NBAS: variants seen among roughly 807,000 people sequenced by gnomAD.
NBAS encodes NAG/BC035112 fusion.
A neutral mutation model predicts 302.5 loss-of-function variants in NBAS; 219 were observed. The ratio of observed to expected loss-of-function variants is 0.72; its 90% CI spans 0.65 to 0.81. The LOEUF (loss-of-function observed/expected upper bound fraction) is 0.81. Among genes scored for constraint, NBAS ranks in the 30% least tolerant of loss-of-function variants. The pLI, the probability that NBAS is intolerant of heterozygous loss-of-function variation, is 0.00. For synonymous variants in NBAS, 1,118 were observed against 1,021.6 expected, an observed-to-expected ratio of 1.09 and a Z score of -1.80; for missense variants, 2,932 against 2,841.6, an observed-to-expected ratio of 1.03 and a Z score of -0.72.
intron 9 of NBAS, among the ~76,000 whole-genome samples, chr2:15,516,621 A>G (rs560299925): frequency 1.3e-5 from 2 of 151,926 alleles, no homozygotes; most frequent in South Asian, 4.2e-4. Context: ...TACTCAGGAT[A>G]CTGAGGCACC....
chr2:15,167,060 C>T lies in NBAS; in HGVS notation c.7104G>A (p.Gln2368=), dbSNP rs566782672. The T allele has an allele frequency of 2.1e-5, 33 of 1,582,212 alleles. No individual in the cohort carries two copies. In the South Asian group the frequency reaches 3.7e-4, roughly 18 times the overall value. The change falls in exon 52 of 52, where the codon CAG becomes CAA. Residue 2368 remains glutamine, a synonymous_variant. Coordinates refer to ENST00000281513, the MANE Select transcript of NBAS (RefSeq NM_015909.4). Reference sequence around the variant, plus strand: ...CCACAGGTGGCCCTCACACCCAGTGCTGTGCTGCGCGGAGGGCTGTACTGA... The same window carrying T: ...CCACAGGTGGCCCTCACACCCAGTGTTGTGCTGCGCGGAGGGCTGTACTGA... The part of the protein sequence containing the change: ...RTFSTALRAA[Q]HWV
chr2:15,179,993 C>A (rs570889256), intron 50 of NBAS: 1 of 152,168 alleles, frequency 6.6e-6, no homozygotes, highest in Admixed American at 6.5e-5. Flanking sequence ...AAAAACCAGA[C>A]GATGAATGAC....
chr2:15,210,836 TGGAG>T (rs1159795003), intron 48 of NBAS, among the ~76,000 whole-genome samples: 3 of 152,190 alleles, frequency 2.0e-5, no homozygotes, highest in African/African-American at 7.2e-5. Context: ...CAGATGGAAC[TGGAG>T]GTCATAATGT....
the NBAS span, among the ~76,000 whole-genome samples, chr2:15,016,225 C>T: frequency 1.3e-5 from 2 of 152,066 alleles, no homozygotes; most frequent in Admixed American, 6.6e-5. Flanking sequence ...ACAATGACAG[C>T]CAAGCAAAAG....
intron 25 of NBAS, among the ~76,000 whole-genome samples, chr2:15,411,156 G>A (rs750540973): frequency 1.3e-5 from 2 of 152,248 alleles, no homozygotes; most frequent in Middle Eastern, 3.4e-3. Context: ...CGAGGCAAGC[G>A]CCCTAAATCG....
chr2:15,033,304 A>G, the NBAS span, among the ~76,000 whole-genome samples: 1,076 of 152,270 alleles, frequency 7.1e-3, 15 homozygotes, highest in African/African-American at 0.025. Context: ...GAAGCAAATT[A>G]CTTGTTTTGT....
chr2:14,827,792 T>C, the NBAS span, among the ~76,000 whole-genome samples: 1 of 152,174 alleles, frequency 6.6e-6, no homozygotes, highest in South Asian at 2.1e-4. Context: ...TGCCAGGGGC[T>C]AGAGAGAGGG....
chr2:15,469,247 T>C (rs1679853335), intron 16 of NBAS, among the ~76,000 whole-genome samples: 1 of 152,220 alleles, frequency 6.6e-6, no homozygotes. Flanking sequence ...CTGCTAGCTT[T>C]TGAATGTGTT....
intron 12 of NBAS, among the ~76,000 whole-genome samples, chr2:15,481,787 C>G (rs1021706572): frequency 6.6e-6 from 1 of 152,208 alleles, no homozygotes; most frequent in East Asian, 1.9e-4. Context: ...GCCTTCCTGT[C>G]TCAAGCCCCT....
the NBAS span, among the ~76,000 whole-genome samples, chr2:15,073,141 C>A: frequency 2.8e-4 from 43 of 150,960 alleles, no homozygotes; most frequent in African/African-American, 9.7e-4. Context: ...ACAACAACAA[C>A]AAAAAAGAAT....
chr2:15,399,851 C>T (rs1216686248), intron 26 of NBAS, among the ~76,000 whole-genome samples: 1 of 152,074 alleles, frequency 6.6e-6, no homozygotes, highest in South Asian at 2.1e-4. Context: ...TGCCATTGAA[C>T]TTCTCAACAA....
the NBAS span, among the ~76,000 whole-genome samples, chr2:14,978,383 C>T: frequency 6.6e-6 from 1 of 152,156 alleles, no homozygotes; most frequent in African/African-American, 2.4e-5. Context: ...CTTTGAAGCC[C>T]TCACTGATCC....
At chr2:15,472,579 G>GC (rs938976703) in intron 16 of NBAS, among the ~76,000 whole-genome samples, 25 of 151,434 alleles carry the variant, frequency 1.7e-4, no homozygotes, top group Admixed American at 4.6e-4. Context: ...CAGCTCACTG[G>GC]CCCCCCCCAG....
the NBAS span, among the ~76,000 whole-genome samples, chr2:15,030,180 T>A: frequency 6.6e-6 from 1 of 152,150 alleles, no homozygotes; most frequent in South Asian, 2.1e-4. Flanking sequence ...GAAGGTGATG[T>A]TTTTAAGCAC....
chr2:15,142,800 A>G, the NBAS span, among the ~76,000 whole-genome samples: 1 of 152,214 alleles, frequency 6.6e-6, no homozygotes, highest in African/African-American at 2.4e-5. Context: ...CCCTCAAGAG[A>G]TATCTTAAGA....
the NBAS span, among the ~76,000 whole-genome samples, chr2:14,842,636 T>G: frequency 1.3e-5 from 2 of 151,728 alleles, no homozygotes; most frequent in African/African-American, 2.4e-5. Context: ...ATACAAAACT[T>G]CATCAAACAA....
At chr2:15,496,613 A>G (rs1000221346) in intron 11 of NBAS, among the ~76,000 whole-genome samples, 2 of 151,976 alleles carry the variant, frequency 1.3e-5, no homozygotes, top group African/African-American at 4.8e-5. Flanking sequence ...GGGAGGGAGA[A>G]GGAGAGGCAA....
intron 44 of NBAS, among the ~76,000 whole-genome samples, chr2:15,240,398 C>T (rs1425798503): frequency 7.1e-6 from 1 of 141,796 alleles, no homozygotes; most frequent in Non-Finnish European, 1.5e-5. Flanking sequence ...GTCAGGTGAT[C>T]GAGACAATCC....
At chr2:15,196,852 A>T (rs1665648438) in intron 48 of NBAS, among the ~76,000 whole-genome samples, 2 of 152,196 alleles carry the variant, frequency 1.3e-5, no homozygotes, top group Non-Finnish European at 2.9e-5. Context: ...AAAGAAACAT[A>T]CACAAGAACC....
Sources: allele counts gnomAD v4.1 joint callset (sites outside exome capture counted in the v4.1 genomes callset), GRCh38; gene constraint gnomAD v4.1.1; transcripts MANE v1.5; gene names NCBI Gene and HGNC (gene_info 2026-07-23, HGNC 2026-07-21).